Variants in CACNG7 observed in about 807,000 individuals in gnomAD.
CACNG7 encodes the protein voltage-dependent calcium channel gamma-7 subunit.
CACNG7 carries 9 observed loss-of-function variants against 26.3 expected under a neutral mutation model. That is an observed-to-expected ratio of 0.34 (90% CI 0.21 to 0.60). The LOEUF (loss-of-function observed/expected upper bound fraction) is 0.60. Among genes scored for constraint, CACNG7 ranks in the 20% least tolerant of loss-of-function variants. The pLI is 0.81. For missense variants in CACNG7, 297 were observed against 380.4 expected, an observed-to-expected ratio of 0.78 and a Z score of 1.82; for synonymous variants, 170 against 157.0, an observed-to-expected ratio of 1.08 and a Z score of -0.62.
rs1477286746 is a variant in CACNG7 at position 53,909,473 on chromosome 19, G to A, written c.-74G>A. 6.6e-6 allele frequency: 1 copy of A among 151,554 alleles called. No individual in the cohort carries two copies. The highest frequency in any genetic ancestry group is 2.4e-5 in the African/African-American group (1 of 41,272). The allele number at this position is 151,554 out of a possible 1,614,324, so 9.4% of individuals were successfully genotyped here. On this transcript the variant is annotated 5_prime_UTR_variant, in exon 1 of 6. Transcript: ENST00000391767. The surrounding 1 kb of genome is among the most constrained non-coding windows in gnomAD (Gnocchi z 5.1). ...GGGAAGCCTCGGGGCCGGTCATGCG[G>A]CTGCGGGGCCCGCGGCCCGGAGCGT...
intron 4 of CACNG7, among the ~76,000 whole-genome samples, chr19:53,931,827 T>C (rs1254156172): frequency 2.1e-5 from 3 of 140,406 alleles, no homozygotes; most frequent in Non-Finnish European, 4.6e-5. Context: ...AGTGGCACGA[T>C]CTCGGCTCAC....
In CACNG7 at chr19:53,912,619, A is replaced by G; in HGVS notation, c.-29-184A>G. The G allele has an allele frequency of 1.8e-6, 1 of 552,120 alleles. No homozygotes were observed. Among genetic ancestry groups the G allele is most frequent in the Non-Finnish European group, 3.2e-6 (1 of 312,280 alleles). 34.2% of individuals were successfully genotyped at this position (552,120 alleles called of 1,614,324 possible). A position where few individuals can be genotyped will look rare whatever the true frequency, so the allele number is the denominator to read the frequency against. ...GAGCCCAGCCCTGAGGCTGAGGCTC[A>G]ACAGTTGGTGTCTCTGGTCAGACTC... On this transcript the variant is annotated intron_variant, in intron 1 of 5. Coordinates refer to ENST00000391767, the MANE Select transcript of CACNG7 (RefSeq NM_031896.5). The surrounding 1 kb of genome is among the most constrained non-coding windows in gnomAD (Gnocchi z 4.6).
At chr19:53,924,772 T>A (rs1360094041) in intron 4 of CACNG7, among the ~76,000 whole-genome samples, 1 of 129,568 alleles carries the variant, frequency 7.7e-6, no homozygotes, top group Non-Finnish European at 1.6e-5. Context: ...CTAGGGCTGG[T>A]CATTGGTGGA....
At chr19:53,913,674 T>C (rs753711618) in intron 2 of CACNG7, among the ~76,000 whole-genome samples, 6 of 151,088 alleles carry the variant, frequency 4.0e-5, no homozygotes, top group Non-Finnish European at 7.4e-5. Context: ...GTTCCAGTTA[T>C]TCAGGAGGCT....
chr19:53,924,204 C>A (rs1206149874), intron 4 of CACNG7, among the ~76,000 whole-genome samples: 2 of 142,628 alleles, frequency 1.4e-5, no homozygotes, highest in Non-Finnish European at 3.0e-5. Flanking sequence ...GGAGTTGTCC[C>A]AGGTCTGGTC....
intron 4 of CACNG7, among the ~76,000 whole-genome samples, chr19:53,936,597 T>G (rs1363812508): frequency 6.6e-6 from 1 of 152,192 alleles, no homozygotes; most frequent in East Asian, 1.9e-4. Flanking sequence ...TTTTATTCTA[T>G]TTTGTTTTTA....
At position 53,940,663 on chromosome 19, in the gene CACNG7, G is replaced by A. The variant is rs1251911058; in HGVS notation, c.425-807G>A. Among the ~76,000 whole-genome samples the A allele has an allele frequency of 2.0e-5, 3 of 152,106 alleles. No individual in the cohort carries two copies. Among genetic ancestry groups the A allele is most frequent in the Non-Finnish European group, 1.5e-5 (1 of 68,026 alleles). On this transcript the variant is annotated intron_variant, in intron 4 of 5. Transcript: ENST00000391767. This position sits in a 1 kb window ranked among gnomAD's most constrained non-coding sequence, Gnocchi z 4.1. ...CTCATTTCTTGTGGCTACAGCTTAT[G>A]TTACAGCTACATGGGTGGACCAGCT...
At position 53,909,807 on chromosome 19, in the gene CACNG7, G is replaced by C. The variant is rs952607305; in HGVS notation, c.-30+290G>C. ...CGGGTCCCTGAGGAAGGCGAGGTAC[G>C]GGGCGAGGGCGGAGGACCCAGGCCC... On this transcript the variant is annotated intron_variant, in intron 1 of 5. Coordinates refer to ENST00000391767, the MANE Select transcript of CACNG7 (RefSeq NM_031896.5). The surrounding 1 kb of genome is among the most constrained non-coding windows in gnomAD (Gnocchi z 5.1). 1.3e-5 allele frequency among the ~76,000 whole-genome samples: 2 copies of C among 152,104 alleles called. No homozygotes were observed. Among genetic ancestry groups the C allele is most frequent in the Non-Finnish European group, 2.9e-5 (2 of 67,962 alleles).
intron 5 of CACNG7, 59 bp from the exon 6 acceptor site, chr19:53,941,977 T>G: frequency 6.7e-7 from 1 of 1,500,028 alleles, no homozygotes; most frequent in South Asian, 1.3e-5. Flanking sequence ...AGGAGATGAG[T>G]CGGGGTCCGG....
At chr19:53,926,434 C>T (rs535624528) in intron 4 of CACNG7, among the ~76,000 whole-genome samples, 4 of 152,058 alleles carry the variant, frequency 2.6e-5, no homozygotes, top group South Asian at 2.1e-4. Context: ...CAACTCCACC[C>T]GACCCTAATT....
In CACNG7 at chr19:53,943,167, A is replaced by C. The variant is rs1568787204; in HGVS notation, c.*874A>C. 6.6e-6 allele frequency: 1 copy of C among 151,720 alleles called. No individual in the cohort carries two copies. Among genetic ancestry groups the C allele is most frequent in the Non-Finnish European group, 1.5e-5 (1 of 67,952 alleles). The allele number at this position is 151,720 out of a possible 1,614,324, so 9.4% of individuals were successfully genotyped here. A position where few individuals can be genotyped will look rare whatever the true frequency, so the allele number is the denominator to read the frequency against. On this transcript the variant is annotated 3_prime_UTR_variant, in exon 6 of 6. Coordinates refer to ENST00000391767, the MANE Select transcript of CACNG7 (RefSeq NM_031896.5). ...GGCCAGAATGGGGACCCTAGGGTGG[A>C]GGGAATTCCCCCACGCCATCTCCGC...
intron 4 of CACNG7, among the ~76,000 whole-genome samples, chr19:53,934,208 T>A (rs1203445050): frequency 1.3e-5 from 2 of 152,160 alleles, no homozygotes; most frequent in African/African-American, 4.8e-5. Flanking sequence ...CATCTTGAAT[T>A]TATTTGTTTC....
intron 4 of CACNG7, among the ~76,000 whole-genome samples, chr19:53,924,309 C>A (rs1350985790): frequency 1.4e-5 from 2 of 138,296 alleles, no homozygotes; most frequent in East Asian, 4.4e-4. Context: ...GGTGGAGTTG[C>A]CCCAGGCCTG....
intron 4 of CACNG7, among the ~76,000 whole-genome samples, chr19:53,924,584 G>T (rs1217755991): frequency 6.7e-6 from 1 of 149,590 alleles, no homozygotes; most frequent in Non-Finnish European, 1.5e-5. Flanking sequence ...AGTTGCCCCA[G>T]GCTGGTCATT....
chr19:53,923,826 C>G (rs1041607168), intron 4 of CACNG7, among the ~76,000 whole-genome samples: 1 of 76,104 alleles, frequency 1.3e-5, no homozygotes, highest in Non-Finnish European at 2.3e-5. Context: ...TGCCCCAGGT[C>G]TGGTCATTGG....
At chr19:53,916,768 G>A (rs1362506431) in intron 4 of CACNG7, among the ~76,000 whole-genome samples, 2 of 150,090 alleles carry the variant, frequency 1.3e-5, no homozygotes, top group Non-Finnish European at 3.0e-5. Context: ...CCAAAGTGCT[G>A]GGATTACAGG....
intron 1 of CACNG7, among the ~76,000 whole-genome samples, chr19:53,910,109 C>A (rs1489140872): frequency 6.6e-6 from 1 of 152,028 alleles, no homozygotes; most frequent in African/African-American, 2.4e-5. Flanking sequence ...GGTTTTAAAA[C>A]GGGGTGCGAG....
chr19:53,932,988 T>G (rs2069083258), intron 4 of CACNG7, among the ~76,000 whole-genome samples: 1 of 152,048 alleles, frequency 6.6e-6, no homozygotes, highest in South Asian at 2.1e-4. Context: ...TGTATTTTAA[T>G]AGAGATGGGG....
rs980947729 is a variant in CACNG7, at chr19:53,912,781, C to A, written c.-29-22C>A. 91 of 1,589,920 alleles carry A rather than the reference C, an allele frequency of 5.7e-5. No homozygotes were observed. Among genetic ancestry groups the A allele is most frequent in the Non-Finnish European group, 7.5e-5 (88 of 1,166,626 alleles). ...CTCTGGTCGGTCCCATGGAGCTCTG[C>A]ACTGTAGCTTCCCTTCCACAGGCCC... On this transcript the variant is annotated intron_variant, in intron 1 of 5. Coordinates refer to ENST00000391767, the MANE Select transcript of CACNG7 (RefSeq NM_031896.5). This position sits in a 1 kb window ranked among gnomAD's most constrained non-coding sequence, Gnocchi z 4.6.
Sources: gnomAD v4.1 joint callset for allele counts (sites outside exome capture counted in the v4.1 genomes callset) on GRCh38, gnomAD v4.1.1 for gene constraint, Gnocchi (gnomAD v3.1) non-coding constraint, MANE v1.5 for transcripts, NCBI Gene and HGNC (gene_info 2026-07-23, HGNC 2026-07-21) for gene names.